Variants in AFAP1 observed in about 807,000 individuals in gnomAD.
AFAP1 encodes actin filament associated protein 1.
AFAP1 carries 75 observed loss-of-function variants against 93.9 expected under a neutral mutation model. The observed-to-expected ratio is 0.80, with a 90% CI of 0.66 to 0.97. The LOEUF (loss-of-function observed/expected upper bound fraction) is 0.97. Ranked by LOEUF, AFAP1 falls within the 50% of genes least tolerant of loss-of-function variation. The probability of loss-of-function intolerance (pLI) is 0.00; values close to 1 mark genes in which losing one functional copy is unlikely to be tolerated. For missense variants in AFAP1, 1,201 were observed against 1,050.8 expected, an observed-to-expected ratio of 1.14 and a Z score of -1.98; for synonymous variants, 517 against 430.7, an observed-to-expected ratio of 1.20 and a Z score of -2.48.
chr4:7,822,685 T>C (rs1244161752), intron 6 of AFAP1, among the ~76,000 whole-genome samples: 1 of 150,570 alleles, frequency 6.6e-6, no homozygotes, highest in Non-Finnish European at 1.5e-5. Context: ...CCTGGGTTCA[T>C]GCCATTCTCC....
intron 1 of AFAP1, among the ~76,000 whole-genome samples, chr4:7,876,107 G>A (rs1029487000): frequency 7.2e-5 from 11 of 152,156 alleles, no homozygotes; most frequent in African/African-American, 2.7e-4. Flanking sequence ...AATTTGCTTG[G>A]GTTCCACCTA....
chr4:7,821,153 T>C (rs1985938198), intron 6 of AFAP1, among the ~76,000 whole-genome samples: 1 of 152,164 alleles, frequency 6.6e-6, no homozygotes, highest in Non-Finnish European at 1.5e-5. Flanking sequence ...TGTTACCAGC[T>C]GTGTGGCCTT....
chr4:7,813,500 G>T (rs983372350), intron 8 of AFAP1, among the ~76,000 whole-genome samples: 2 of 152,212 alleles, frequency 1.3e-5, no homozygotes, highest in African/African-American at 4.8e-5. Context: ...ATATTATTCT[G>T]TAGAACCTAA....
chr4:7,791,185 A>C (rs1560160344), intron 11 of AFAP1, among the ~76,000 whole-genome samples: 1 of 152,182 alleles, frequency 6.6e-6, no homozygotes, highest in Non-Finnish European at 1.5e-5. Context: ...TCACACTTGA[A>C]AGGTCGTGTA....
At chr4:7,860,106 C>T (rs1715504881) in intron 3 of AFAP1, among the ~76,000 whole-genome samples, 1 of 152,122 alleles carries the variant, frequency 6.6e-6, no homozygotes, top group Admixed American at 6.5e-5. Context: ...TCATGCATTG[C>T]ACTCCAGCCT....
At chr4:7,878,116 C>G (rs1041516635) in intron 1 of AFAP1, among the ~76,000 whole-genome samples, 3 of 152,226 alleles carry the variant, frequency 2.0e-5, no homozygotes, top group African/African-American at 7.2e-5. Flanking sequence ...CCATTTTAAA[C>G]TTTTAATACA....
intron 1 of AFAP1, among the ~76,000 whole-genome samples, chr4:7,924,635 G>GA (rs1306700491): frequency 6.6e-6 from 1 of 152,058 alleles, no homozygotes; most frequent in Non-Finnish European, 1.5e-5. Flanking sequence ...TTACTGACAA[G>GA]AAAAATGAGG....
At chr4:7,828,270 A>G (rs1487291443) in intron 6 of AFAP1, among the ~76,000 whole-genome samples, 1 of 152,216 alleles carries the variant, frequency 6.6e-6, no homozygotes, top group Non-Finnish European at 1.5e-5. Flanking sequence ...CCGGCTGGCT[A>G]TGTGAACTTG....
intron 3 of AFAP1, among the ~76,000 whole-genome samples, chr4:7,860,113 G>T (rs777143067): frequency 6.6e-6 from 1 of 152,102 alleles, no homozygotes; most frequent in Non-Finnish European, 1.5e-5. Flanking sequence ...TTGCACTCCA[G>T]CCTGGGTGAC....
At chr4:7,883,161 G>A (rs1381278678) in intron 1 of AFAP1, among the ~76,000 whole-genome samples, 1 of 145,436 alleles carries the variant, frequency 6.9e-6, no homozygotes, top group African/African-American at 2.6e-5. Context: ...ACTCCAGCCT[G>A]GGCAACAGAG....
chr4:7,811,978 C>A (rs1250227328), intron 8 of AFAP1, among the ~76,000 whole-genome samples: 1 of 150,746 alleles, frequency 6.6e-6, no homozygotes, highest in Non-Finnish European at 1.5e-5. Context: ...CACGTACACA[C>A]CCTCTTTTAA....
chr4:7,768,790 G>T, intron 17 of AFAP1, 54 bp downstream of exon 17: 1 of 1,491,690 alleles, frequency 6.7e-7, no homozygotes, highest in Non-Finnish European at 9.0e-7. Context: ...AGAATGCTGG[G>T]AGCTTAAAGT....
intron 10 of AFAP1, among the ~76,000 whole-genome samples, chr4:7,794,333 T>C (rs1379792724): frequency 1.3e-5 from 2 of 152,232 alleles, no homozygotes; most frequent in Non-Finnish European, 2.9e-5. Flanking sequence ...GATTAGATGA[T>C]ATAAAAAAGT....
At chr4:7,785,182 C>T (rs1009095057) in intron 12 of AFAP1, among the ~76,000 whole-genome samples, 3 of 152,118 alleles carry the variant, frequency 2.0e-5, no homozygotes, top group African/African-American at 7.2e-5. Context: ...ATGCTCAATA[C>T]GCGGTTGTGA....
At chr4:7,810,769 C>T (rs760616281) in intron 8 of AFAP1, among the ~76,000 whole-genome samples, 1 of 152,196 alleles carries the variant, frequency 6.6e-6, no homozygotes, top group Non-Finnish European at 1.5e-5. Context: ...GGCAGGACCA[C>T]AGAAGCAGTC....
rs34021688 is a variant in AFAP1, at chr4:7,839,379, A to AC, written c.547-677_547-676insG. ...CAAAACAAAAAAACCCAACACACAC[A>AC]AATATATATTTAACATAAATGTTTA... On this transcript the variant is annotated intron_variant, in intron 5 of 17. Coordinates refer to ENST00000420658, the MANE Select transcript of AFAP1 (RefSeq NM_001134647.2). Among the ~76,000 whole-genome samples, 5 of 15,524 alleles carry AC rather than the reference A, an allele frequency of 3.2e-4. No homozygotes were observed. In the African/African-American group the frequency reaches 4.7e-3, roughly 15 times the overall value. The allele number at this position is 15,524 out of a possible 152,430, so 10.2% of individuals were successfully genotyped here.
At chr4:7,817,161 C>T (rs1720549745) in intron 7 of AFAP1, among the ~76,000 whole-genome samples, 2 of 152,126 alleles carry the variant, frequency 1.3e-5, no homozygotes, top group South Asian at 4.1e-4. Context: ...TGATTTTCAA[C>T]ATGAATCGAG....
At chr4:7,781,249 AGTT>A in intron 13 of AFAP1, 124 bp downstream of exon 13, 5 of 1,204,110 alleles carry the variant, frequency 4.2e-6, no homozygotes, top group Non-Finnish European at 5.7e-6. Context: ...ATTATATTCT[AGTT>A]GAGAAAAAAA....
chr4:7,932,577 C>T (rs1328136239), intron 1 of AFAP1, among the ~76,000 whole-genome samples: 5 of 152,182 alleles, frequency 3.3e-5, no homozygotes, highest in Admixed American at 6.5e-5. Flanking sequence ...AGAGGAATTA[C>T]TCTAATGACT....
Sources: gnomAD v4.1 joint callset for allele counts (sites outside exome capture counted in the v4.1 genomes callset) on GRCh38, gnomAD v4.1.1 for gene constraint, MANE v1.5 for transcripts, NCBI Gene and HGNC (gene_info 2026-07-23, HGNC 2026-07-21) for gene names.